NTM: variants seen among roughly 807,000 people sequenced by gnomAD.
The protein encoded by NTM is IgLON family member 2.
In NTM, 13 loss-of-function variants were observed where a neutral mutation model predicts 42.1. That is an observed-to-expected ratio of 0.31 (90% CI 0.20 to 0.49). NTM has a LOEUF of 0.49. Among genes scored for constraint, NTM ranks in the 20% least tolerant of loss-of-function variants. The pLI is 0.99. For missense variants in NTM, 373 were observed against 452.8 expected, an observed-to-expected ratio of 0.82 and a Z score of 1.60; for synonymous variants, 187 against 179.2, an observed-to-expected ratio of 1.04 and a Z score of -0.35.
chr11:132,219,768 A>C (rs1288074324), intron 4 of NTM, among the ~76,000 whole-genome samples: 5 of 152,102 alleles, frequency 3.3e-5, no homozygotes, highest in African/African-American at 1.2e-4. Flanking sequence ...CCATAACAAC[A>C]CATAGTATGT....
At position 132,320,912 on chromosome 11, in the gene NTM, C is replaced by T. The variant is rs7950497; in HGVS notation, c.934+6209C>T. On this transcript the variant is annotated intron_variant, in intron 7 of 8. Coordinates refer to ENST00000683400, the MANE Select transcript of NTM (RefSeq NM_001352005.2). ...AACTGGGAGGCACCCCCCAGCAGGG[C>T]CACACTGACACCTCACACTGCAGGG... is the stretch of plus-strand genomic sequence containing the variant. Among the ~76,000 whole-genome samples, 2 of 149,472 alleles carry T rather than the reference C, an allele frequency of 1.3e-5. 1 individual carries two copies. The highest frequency in any genetic ancestry group is 5.0e-5 in the African/African-American group (2 of 39,816).
At chr11:131,719,421 A>G (rs953193159) in intron 1 of NTM, among the ~76,000 whole-genome samples, 2 of 152,186 alleles carry the variant, frequency 1.3e-5, no homozygotes, top group African/African-American at 4.8e-5. Context: ...GAGAGGGGTG[A>G]AGATAGCGCT....
chr11:131,660,557 G>A (rs2134454632), intron 1 of NTM: 2 of 457,660 alleles, frequency 4.4e-6, no homozygotes, highest in Non-Finnish European at 8.8e-6. Context: ...GAGAAAAGAG[G>A]TGAAAAGCGG....
chr11:132,229,589 C>G (rs1447181975), intron 4 of NTM, among the ~76,000 whole-genome samples: 1 of 152,126 alleles, frequency 6.6e-6, no homozygotes, highest in Non-Finnish European at 1.5e-5. Context: ...CGGTATTTTA[C>G]AGAAAAGAAG....
rs563576358 is a variant in NTM, at chr11:131,765,990, T to C, written c.83-145574T>C. On this transcript the variant is annotated intron_variant, in intron 1 of 8. Transcript: ENST00000683400. ...TATTGACTAGCTGTACATTGTTCTT[T>C]GTATCACAAATTCTAGGGACCTGAA... 3.3e-5 allele frequency among the ~76,000 whole-genome samples: 5 copies of C among 152,326 alleles called. No homozygotes were observed. In the South Asian group the frequency reaches 1.0e-3, roughly 32 times the overall value.
At chr11:131,647,393 G>A (rs375925560) in intron 1 of NTM, among the ~76,000 whole-genome samples, 8 of 152,156 alleles carry the variant, frequency 5.3e-5, no homozygotes, top group African/African-American at 1.7e-4. Context: ...GGATGGCTTC[G>A]CAATGGGCAG....
At chr11:132,249,684 A>G (rs1414327901) in intron 4 of NTM, among the ~76,000 whole-genome samples, 1 of 152,218 alleles carries the variant, frequency 6.6e-6, no homozygotes, top group African/African-American at 2.4e-5. Context: ...AAAGGCTGAG[A>G]AGTCAGGATC....
chr11:132,203,608 A>G (rs992733111), intron 3 of NTM, among the ~76,000 whole-genome samples: 1 of 152,174 alleles, frequency 6.6e-6, no homozygotes, highest in African/African-American at 2.4e-5. Flanking sequence ...TCCATTTGAA[A>G]AAACACTGCG....
intron 2 of NTM, among the ~76,000 whole-genome samples, chr11:132,104,932 CATATGTATATATATATATATATATATAT>C (rs2062110857): frequency 6.3e-5 from 1 of 15,850 alleles, no homozygotes; most frequent in Non-Finnish European, 1.2e-4. Context: ...TCCATATATA[CATATGTATATATATATATATATATATAT>C]ATATATATAT....
At chr11:131,605,587 T>C (rs10791156) in intron 1 of NTM, 73,623 of 154,124 alleles carry the variant, frequency 0.48, 18,192 homozygotes, top group East Asian at 0.61. Flanking sequence ...TGAATGCAAG[T>C]GGCAAGAGTG....
chr11:131,442,511 C>A (rs1314155598), intron 1 of NTM, among the ~76,000 whole-genome samples: 1 of 151,966 alleles, frequency 6.6e-6, no homozygotes, highest in Admixed American at 6.6e-5. Flanking sequence ...TCTAGTGTAC[C>A]CATCAACCAA....
At chr11:131,877,556 G>A (rs1027891605) in intron 1 of NTM, 2 of 152,192 alleles carry the variant, frequency 1.3e-5, no homozygotes, top group African/African-American at 4.8e-5. Context: ...CACCCAGGAT[G>A]CAGCAGTCAC....
At chr11:131,475,718 C>G (rs1035714207) in intron 1 of NTM, among the ~76,000 whole-genome samples, 1 of 151,974 alleles carries the variant, frequency 6.6e-6, no homozygotes, top group Non-Finnish European at 1.5e-5. Flanking sequence ...AAAAAACTGC[C>G]AAAGATAGAT....
intron 2 of NTM, among the ~76,000 whole-genome samples, chr11:132,012,696 C>A (rs1220701326): frequency 6.6e-6 from 1 of 152,082 alleles, no homozygotes; most frequent in African/African-American, 2.4e-5. Context: ...CTCATTAATT[C>A]ATTTTTTAAA....
intron 1 of NTM, among the ~76,000 whole-genome samples, chr11:131,591,321 C>T (rs1442583815): frequency 2.0e-5 from 3 of 152,202 alleles, no homozygotes; most frequent in South Asian, 2.1e-4. Context: ...AATGACTTCC[C>T]GCAGAGACAA....
At chr11:132,034,166 T>A (rs1159720508) in intron 2 of NTM, among the ~76,000 whole-genome samples, 1 of 152,200 alleles carries the variant, frequency 6.6e-6, no homozygotes, top group African/African-American at 2.4e-5. Flanking sequence ...AGAAAAATCT[T>A]CCCAGAGACC....
At chr11:131,744,193 T>C (rs951624717) in intron 1 of NTM, among the ~76,000 whole-genome samples, 1 of 152,206 alleles carries the variant, frequency 6.6e-6, no homozygotes, top group African/African-American at 2.4e-5. Context: ...AGAGGATTAA[T>C]TTGTTAGTGT....
Position 131,789,666 on chromosome 11 carries a change from G to A in NTM, c.83-121898G>A, listed in dbSNP as rs183434397. Among the ~76,000 whole-genome samples the A allele has an allele frequency of 5.6e-4, 67 of 119,856 alleles. 1 individual carries two copies. The highest frequency in any genetic ancestry group is 9.4e-4 in the African/African-American group (30 of 32,076). 78.6% of individuals were successfully genotyped at this position (119,856 alleles called of 152,430 possible). A position where few individuals can be genotyped will look rare whatever the true frequency, so the allele number is the denominator to read the frequency against. ...AGAAGAAGAAGAAGAAGAAGAAGAAGAAAGCATGGGCCGGGGGCGGTGGCT... is the reference window on the plus strand; with the variant it reads ...AGAAGAAGAAGAAGAAGAAGAAGAAAAAAGCATGGGCCGGGGGCGGTGGCT... On this transcript the variant is annotated intron_variant, in intron 1 of 8. Transcript: ENST00000683400.
intron 2 of NTM, among the ~76,000 whole-genome samples, chr11:131,931,177 G>C (rs1052266930): frequency 1.6e-4 from 24 of 152,146 alleles, no homozygotes; most frequent in Admixed American, 1.6e-3. Flanking sequence ...GCCAGGTGTG[G>C]TGGCTTACAT....
Sources: allele counts gnomAD v4.1 joint callset (sites outside exome capture counted in the v4.1 genomes callset), GRCh38; gene constraint gnomAD v4.1.1; transcripts MANE v1.5; gene names NCBI Gene and HGNC (gene_info 2026-07-23, HGNC 2026-07-21).